The following TPM1 variants were observed in gnomAD, a reference collection of about 807,000 sequenced individuals.
TPM1 encodes tropomyosin 1.
In TPM1, 24 loss-of-function variants were observed where a neutral mutation model predicts 42.9. The ratio of observed to expected loss-of-function variants is 0.56; its 90% CI spans 0.41 to 0.79. The LOEUF (loss-of-function observed/expected upper bound fraction) is 0.79, where lower values mean the gene tolerates loss of function less well. Among genes scored for constraint, TPM1 ranks in the 30% least tolerant of loss-of-function variants. The pLI, the probability that TPM1 is intolerant of heterozygous loss-of-function variation, is 0.00. For missense variants in TPM1, 158 were observed against 351.8 expected, an observed-to-expected ratio of 0.45 and a Z score of 4.41; for synonymous variants, 136 against 130.1, an observed-to-expected ratio of 1.05 and a Z score of -0.31.
Position 63,063,116 on chromosome 15 carries a change from C to G in TPM1, c.772+471C>G, listed in dbSNP as rs184405423. The G allele has an allele frequency of 2.8e-4, 277 of 979,244 alleles. 1 individual carries two copies. The highest frequency in any genetic ancestry group is 2.1e-3 in the Middle Eastern group (4 of 1,896). The allele number at this position is 979,244 out of a possible 1,614,324, so 60.7% of individuals were successfully genotyped here. A position where few individuals can be genotyped will look rare whatever the true frequency, so the allele number is the denominator to read the frequency against. On this transcript the variant is annotated intron_variant, in intron 8 of 9. Coordinates refer to ENST00000403994, the MANE Select transcript of TPM1 (RefSeq NM_001018005.2). ...TTATCTTAACAAAATACTTTATATCCTGAAGGAGGAGGGAAAAATTATACT... is the reference window on the plus strand; with the variant it reads ...TTATCTTAACAAAATACTTTATATCGTGAAGGAGGAGGGAAAAATTATACT...
exon 9 of TPM1, chr15:63,071,262 T>C: frequency 1.4e-6 from 2 of 1,406,556 alleles, no homozygotes; most frequent in African/African-American, 2.8e-5. Flanking sequence ...TTATTTACTT[T>C]TACCACTGTC....
chr15:63,063,876 T>C, intron 8 of TPM1, 188 bp from the exon 9 acceptor site: 1 of 681,704 alleles, frequency 1.5e-6, no homozygotes, highest in Non-Finnish European at 2.4e-6. Flanking sequence ...TCTTTGTTTT[T>C]GTTTCAATTT....
At chr15:63,070,987 C>G, downstream of TPM1, 1 of 1,584,890 alleles carries the variant, frequency 6.3e-7, no homozygotes. Context: ...TTCTAATCAT[C>G]TCATCCTGTG....
downstream of TPM1, among the ~76,000 whole-genome samples, chr15:63,067,809 G>A (rs557471106): frequency 1.3e-5 from 2 of 152,352 alleles, no homozygotes; most frequent in East Asian, 3.9e-4. Context: ...GCATCACTGA[G>A]TTTGGGCACT....
chr15:63,042,791 G>T lies in TPM1; in HGVS notation c.-39G>T. ...CGCCCGACCGCGCGCTCGCCCCGCCGCTCCTGCTGCAGCCCCAGGGCCCCT... is the reference window on the plus strand; with the variant it reads ...CGCCCGACCGCGCGCTCGCCCCGCCTCTCCTGCTGCAGCCCCAGGGCCCCT... On this transcript the variant is annotated 5_prime_UTR_variant, in exon 1 of 10. Coordinates refer to ENST00000403994, the MANE Select transcript of TPM1 (RefSeq NM_001018005.2). The T allele has an allele frequency of 6.3e-7, 1 of 1,576,090 alleles. No homozygotes were observed. The highest frequency in any genetic ancestry group is 8.7e-7 in the Non-Finnish European group (1 of 1,149,492).
At chr15:63,051,519 C>T (rs901032915) in intron 2 of TPM1, among the ~76,000 whole-genome samples, 2 of 152,014 alleles carry the variant, frequency 1.3e-5, no homozygotes, top group East Asian at 3.8e-4. Context: ...ATGGGAGTGC[C>T]CCTTAATGTC....
At chr15:63,061,617 G>A in intron 5 of TPM1, 96 bp from the exon 6 acceptor site, 1 of 1,182,284 alleles carries the variant, frequency 8.5e-7, no homozygotes, top group Non-Finnish European at 1.3e-6. Context: ...TTCGTCTCTA[G>A]GACTCAGTTT....
intron 2 of TPM1, chr15:63,048,771 G>C: frequency 6.6e-7 from 1 of 1,512,332 alleles, no homozygotes; most frequent in Non-Finnish European, 8.8e-7. Flanking sequence ...AGCCCCGCAG[G>C]GCCCTCCTGC....
chr15:63,052,705 C>G (rs1430962994), intron 2 of TPM1, among the ~76,000 whole-genome samples: 1 of 151,854 alleles, frequency 6.6e-6, no homozygotes, highest in African/African-American at 2.4e-5. Context: ...ACAGCAGGTC[C>G]TTAAGACTCC....
chr15:63,066,672 A>G (rs2036294599), downstream of TPM1, among the ~76,000 whole-genome samples: 1 of 152,224 alleles, frequency 6.6e-6, no homozygotes, highest in Admixed American at 6.5e-5. Flanking sequence ...TTATAGCACA[A>G]AGAAAAGTTC....
Position 63,052,466 on chromosome 15 carries a change from T to G in TPM1, c.241-4519T>G, listed in dbSNP as rs142858748. 8.1e-3 allele frequency among the ~76,000 whole-genome samples: 1,233 copies of G among 152,216 alleles called. 6 individuals are homozygous for G. Among genetic ancestry groups the G allele is most frequent in the Middle Eastern group, 0.02 (6 of 294 alleles). On this transcript the variant is annotated intron_variant, in intron 2 of 9. Coordinates refer to ENST00000403994, the MANE Select transcript of TPM1 (RefSeq NM_001018005.2). ...TGAACCCGGGAGGTGGAGGTTGCAG[T>G]GAGCCGAGGTCATGCCACTGCACTC...
At chr15:63,056,878 C>T (rs1414843465) in intron 2 of TPM1, 107 bp from the exon 3 acceptor site, 2 of 1,506,778 alleles carry the variant, frequency 1.3e-6, no homozygotes, top group East Asian at 4.5e-5. Flanking sequence ...TAGCTCACCA[C>T]AAGACAGTCT....
At position 63,064,142 on chromosome 15, in the gene TPM1, T is replaced by C. The variant is rs745520822; in HGVS notation, c.851T>C (p.Ile284Thr). Residue 284 changes from isoleucine to threonine, a missense_variant and splice_region_variant, in exon 9 of 10, where the codon ATA becomes ACA. This residue lies in a region of TPM1 where 64 missense variants were observed against 95.8 expected (regional missense o/e 0.67). Coordinates refer to ENST00000403994, the MANE Select transcript of TPM1 (RefSeq NM_001018005.2). ...LDHALNDMTS[I>T] is the part of the protein sequence containing the mutation. ...CACGCTCTCAACGATATGACTTCCA[T>C]GTAAACGTTCATCCACTCTGCCTGC... 2.5e-6 allele frequency: 4 copies of C among 1,613,696 alleles called. No homozygotes were observed. Among genetic ancestry groups the C allele is most frequent in the Non-Finnish European group, 3.4e-6 (4 of 1,179,838 alleles).
chr15:63,068,427 A>G (rs569330902), downstream of TPM1, among the ~76,000 whole-genome samples: 76 of 152,350 alleles, frequency 5.0e-4, no homozygotes, highest in Non-Finnish European at 7.1e-4. Context: ...AGCAGCAGAT[A>G]TTCCAAGCGA....
At chr15:63,069,779 T>C, downstream of TPM1, 1 of 1,540,224 alleles carries the variant, frequency 6.5e-7, no homozygotes, top group South Asian at 1.1e-5. Flanking sequence ...TTGAGGTCTC[T>C]TTGTGTTCTC....
rs2034931578 is a variant in TPM1, at chr15:63,057,134, C to T, written c.374+16C>T. ...AGAGTGAGAGGTGAGAATGCCTCATCAGCCATCTTTTGCAGCTGCCTTTCC... is the reference window on the plus strand; with the variant it reads ...AGAGTGAGAGGTGAGAATGCCTCATTAGCCATCTTTTGCAGCTGCCTTTCC... On this transcript the variant is annotated intron_variant, in intron 3 of 9. Transcript: ENST00000403994. 2 of 1,613,894 alleles carry T rather than the reference C, an allele frequency of 1.2e-6. No individual in the cohort carries two copies. Among genetic ancestry groups the T allele is most frequent in the Non-Finnish European group, 1.7e-6 (2 of 1,179,958 alleles).
intron 2 of TPM1, among the ~76,000 whole-genome samples, chr15:63,051,161 G>A (rs1400473047): frequency 2.0e-5 from 3 of 152,314 alleles, no homozygotes; most frequent in Non-Finnish European, 2.9e-5. Context: ...TCCTTTCTGA[G>A]TAGTATCCAG....
chr15:63,062,476 T>G, intron 7 of TPM1, 100 bp from the exon 8 acceptor site: 1 of 1,427,832 alleles, frequency 7.0e-7, no homozygotes, highest in Non-Finnish European at 9.9e-7. Flanking sequence ...TGATCCATTT[T>G]ATAGGTGATG....
chr15:63,048,768 C>T (rs1015113094), intron 2 of TPM1: 5 of 1,512,204 alleles, frequency 3.3e-6, no homozygotes, highest in Non-Finnish European at 4.4e-6. Flanking sequence ...GGCAGCCCCG[C>T]AGGGCCCTCC....
Sources: allele counts gnomAD v4.1 joint callset (sites outside exome capture counted in the v4.1 genomes callset), GRCh38; gene constraint gnomAD v4.1.1; regional missense constraint gnomAD v4.1.1; transcripts MANE v1.5; gene names NCBI Gene and HGNC (gene_info 2026-07-23, HGNC 2026-07-21).